The following SNX29 variants were observed in gnomAD, a reference collection of about 807,000 sequenced individuals.
SNX29 encodes the protein sorting nexin-29.
Under a neutral mutation model 102.1 loss-of-function variants are expected in SNX29, and 78 were observed. The ratio of observed to expected loss-of-function variants is 0.76; its 90% CI spans 0.64 to 0.92. The LOEUF is 0.92. Among genes scored for constraint, SNX29 ranks in the 40% least tolerant of loss-of-function variants. The pLI is 0.00. For missense variants in SNX29, 1,280 were observed against 1,061.7 expected, an observed-to-expected ratio of 1.21 and a Z score of -2.86; for synonymous variants, 580 against 414.5, an observed-to-expected ratio of 1.40 and a Z score of -4.85.
chr16:12,562,325 G>A lies in SNX29; in HGVS notation c.2319-6181G>A, dbSNP rs557137384. On this transcript the variant is annotated intron_variant, in intron 20 of 20. Coordinates refer to ENST00000566228, the MANE Select transcript of SNX29 (RefSeq NM_032167.5). ...ATCGTTGGCTTTGTCCCAAGAACCT[G>A]CAGGGCAGATTCTGTGATTTCCCCC... Among the ~76,000 whole-genome samples, 10 of 152,306 alleles carry A rather than the reference G, an allele frequency of 6.6e-5. No homozygotes were observed. The South Asian group carries it at 2.1e-3, about 32-fold the overall frequency.
At chr16:12,003,066 CGTTG>C in intron 3 of SNX29, 23 bp downstream of exon 3, 1 of 1,613,686 alleles carries the variant, frequency 6.2e-7, no homozygotes, top group South Asian at 1.1e-5. Flanking sequence ...CTTCTAAAAC[CGTTG>C]ACCATCGAGG....
intron 13 of SNX29, among the ~76,000 whole-genome samples, chr16:12,161,587 G>A (rs558358193): frequency 1.4e-4 from 21 of 152,286 alleles, no homozygotes; most frequent in African/African-American, 4.8e-4. Flanking sequence ...CAAATCTTAC[G>A]TTAAAATGTG....
chr16:12,468,191 T>C (rs2087155385), intron 18 of SNX29, among the ~76,000 whole-genome samples: 1 of 88,254 alleles, frequency 1.1e-5, no homozygotes, highest in Non-Finnish European at 2.0e-5. Context: ...TTTTTTTTTT[T>C]TTTTAGGGGG....
At chr16:12,403,984 C>T (rs2084064766) in intron 18 of SNX29, among the ~76,000 whole-genome samples, 2 of 152,176 alleles carry the variant, frequency 1.3e-5, no homozygotes, top group African/African-American at 2.4e-5. Context: ...CCTGGAAGGG[C>T]GGGTCTCACT....
chr16:12,533,865 G>A (rs2076997808), intron 20 of SNX29, among the ~76,000 whole-genome samples: 1 of 152,180 alleles, frequency 6.6e-6, no homozygotes, highest in South Asian at 2.1e-4. Flanking sequence ...GCAGCTAGCT[G>A]GATAGAAGTC....
At chr16:12,391,801 T>C (rs1316300491) in intron 16 of SNX29, among the ~76,000 whole-genome samples, 3 of 152,174 alleles carry the variant, frequency 2.0e-5, no homozygotes, top group Non-Finnish European at 4.4e-5. Context: ...CCCACTCCAC[T>C]CTCCCTGAGG....
At chr16:12,567,701 G>A (rs564755582) in intron 20 of SNX29, among the ~76,000 whole-genome samples, 97 of 152,292 alleles carry the variant, frequency 6.4e-4, no homozygotes, top group African/African-American at 2.2e-3. Context: ...GATCGAGGCT[G>A]CAGCAAGTTA....
chr16:12,429,543 A>T (rs1435372444), intron 18 of SNX29, among the ~76,000 whole-genome samples: 4 of 152,202 alleles, frequency 2.6e-5, no homozygotes, highest in African/African-American at 7.2e-5. Context: ...CCCTGGGATT[A>T]CAGATGTGAG....
At chr16:12,002,504 T>A (rs1216772566) in intron 2 of SNX29, among the ~76,000 whole-genome samples, 3 of 151,668 alleles carry the variant, frequency 2.0e-5, no homozygotes, top group Admixed American at 6.6e-5. Context: ...CAGTAAATTG[T>A]CATTCCGCAC....
rs773553691 is a variant in SNX29 at position 12,568,513 on chromosome 16, A to C, written c.2326A>C (p.Thr776Pro). 7 of 1,609,002 alleles carry C rather than the reference A, an allele frequency of 4.4e-6. No homozygotes were observed. The Admixed American group carries it at 8.3e-5, about 19-fold the overall frequency. ...IQLMPFFVDI[T>P]PPGEPVNSRP... ...CTCTCCCTGCTCTTTCAGCGACATC[A>C]CCCCGCCCGGAGAGCCTGTGAACAG... The change falls in exon 21 of 21, where the codon ACC (threonine) becomes CCC (proline). Residue 776 changes from threonine to proline, a missense_variant. Physicochemically the swap from Thr to Pro is conservative, Grantham distance 38. Coordinates refer to ENST00000566228, the MANE Select transcript of SNX29 (RefSeq NM_032167.5).
intron 3 of SNX29, among the ~76,000 whole-genome samples, chr16:12,025,302 CAAAAAAAA>C (rs35724715): frequency 1.7e-5 from 1 of 60,596 alleles, no homozygotes; most frequent in Admixed American, 2.3e-4. Flanking sequence ...AACTCCATCT[CAAAAAAAA>C]AAAAAAAAAA....
chr16:12,231,552 AAAAACAAAAAC>A (rs1477716368), intron 14 of SNX29, among the ~76,000 whole-genome samples: 6 of 147,898 alleles, frequency 4.1e-5, no homozygotes, highest in African/African-American at 1.2e-4. Context: ...ACAAAAAACA[AAAAACAAAAAC>A]AAAACTTTTA....
chr16:12,564,307 A>G (rs1164197735), intron 20 of SNX29, among the ~76,000 whole-genome samples: 2 of 152,174 alleles, frequency 1.3e-5, no homozygotes, highest in Non-Finnish European at 2.9e-5. Context: ...TGCTGGCTAG[A>G]CTTCACTAGT....
intron 3 of SNX29, among the ~76,000 whole-genome samples, chr16:12,021,791 CT>C (rs1219984920): frequency 6.6e-6 from 1 of 151,650 alleles, no homozygotes; most frequent in African/African-American, 2.4e-5. Context: ...ACTCCAGAGG[CT>C]TGAGGCAGGA....
intron 18 of SNX29, among the ~76,000 whole-genome samples, chr16:12,471,809 A>C (rs2087354431): frequency 6.6e-6 from 1 of 152,266 alleles, no homozygotes; most frequent in Non-Finnish European, 1.5e-5. Context: ...ACCACTGCCC[A>C]GATATAGATC....
chr16:12,376,466 T>C (rs1161837634), intron 16 of SNX29, among the ~76,000 whole-genome samples: 1 of 152,152 alleles, frequency 6.6e-6, no homozygotes, highest in Non-Finnish European at 1.5e-5. Flanking sequence ...CCAGGCATGG[T>C]GGCTCATACC....
At chr16:12,531,279 G>A (rs1414417336) in intron 20 of SNX29, among the ~76,000 whole-genome samples, 1 of 152,248 alleles carries the variant, frequency 6.6e-6, no homozygotes, top group Non-Finnish European at 1.5e-5. Flanking sequence ...CTGGGACCTG[G>A]GGTGGAAGTC....
In SNX29 at chr16:12,531,867, A is replaced by G. The variant is rs961511480; in HGVS notation, c.2318+7026A>G. On this transcript the variant is annotated intron_variant, in intron 20 of 20. Coordinates refer to ENST00000566228, the MANE Select transcript of SNX29 (RefSeq NM_032167.5). ...CTGCCTTCAGGTAGCAGTTTCTCCC[A>G]GGCATGCCTCAGGAAATGTATGTCT... 4.6e-5 allele frequency among the ~76,000 whole-genome samples: 7 copies of G among 152,348 alleles called. No homozygotes were observed. In the East Asian group the frequency reaches 7.7e-4, roughly 17 times the overall value.
chr16:12,185,807 G>T (rs1175138153), intron 13 of SNX29, among the ~76,000 whole-genome samples: 1 of 152,156 alleles, frequency 6.6e-6, no homozygotes, highest in African/African-American at 2.4e-5. Context: ...TGCAGCAGTC[G>T]CAGTCCCCAG....
Sources: allele counts gnomAD v4.1 joint callset (sites outside exome capture counted in the v4.1 genomes callset), GRCh38; gene constraint gnomAD v4.1.1; transcripts MANE v1.5; gene names NCBI Gene and HGNC (gene_info 2026-07-23, HGNC 2026-07-21).